Variants in DGKG observed in about 807,000 individuals in gnomAD.
DGKG encodes the protein diacylglycerol kinase gamma.
Under a neutral mutation model 105.3 loss-of-function variants are expected in DGKG, and 78 were observed. The observed-to-expected ratio is 0.74, with a 90% CI of 0.62 to 0.89. The LOEUF (loss-of-function observed/expected upper bound fraction) is 0.89. Ranked by LOEUF, DGKG falls within the 40% of genes least tolerant of loss-of-function variation. The probability of loss-of-function intolerance (pLI) is 0.00; values close to 1 mark genes in which losing one functional copy is unlikely to be tolerated. For synonymous variants in DGKG, 346 were observed against 367.1 expected (o/e 0.94, Z 0.66); for missense variants, 958 against 1,020.1 (o/e 0.94, Z 0.83).
At chr3:186,258,174 A>G (rs1721576508) in intron 16 of DGKG, among the ~76,000 whole-genome samples, 1 of 152,228 alleles carries the variant, frequency 6.6e-6, no homozygotes, top group African/African-American at 2.4e-5. Flanking sequence ...TCAACATTCG[A>G]CACAAATGGA....
At chr3:186,355,354 ACTC>A (rs1726886303) in intron 1 of DGKG, among the ~76,000 whole-genome samples, 1 of 87,110 alleles carries the variant, frequency 1.1e-5, no homozygotes, top group South Asian at 4.7e-4. Context: ...CAACAACACT[ACTC>A]CTACCACCAT....
At chr3:186,207,530 T>C (rs140737219) in intron 21 of DGKG, 6 of 984,152 alleles carry the variant, frequency 6.1e-6, no homozygotes, top group South Asian at 4.7e-5. Context: ...GCCAGTTACA[T>C]AAAAAAACAA....
rs537752668 is a variant in DGKG at position 186,231,166 on chromosome 3, TTC to T, written c.1826+11336_1826+11337del. On this transcript the variant is annotated intron_variant, in intron 20 of 24. Coordinates refer to ENST00000265022, the MANE Select transcript of DGKG (RefSeq NM_001346.3). The surrounding 1 kb of genome is among the most constrained non-coding windows in gnomAD (Gnocchi z 4.5). ...ACACTTGAGGCCCATTCCCAGTACG[TTC>T]TCTGTTTCTCTCCAGGAAAAGTGAT... 2.2e-4 allele frequency among the ~76,000 whole-genome samples: 34 copies of T among 152,324 alleles called. No homozygotes were observed. Among genetic ancestry groups the T allele is most frequent in the Admixed American group, 1.1e-3 (17 of 15,296 alleles).
chr3:186,357,219 C>G (rs1727010554), intron 1 of DGKG, among the ~76,000 whole-genome samples: 1 of 152,128 alleles, frequency 6.6e-6, no homozygotes, highest in Admixed American at 6.5e-5. Flanking sequence ...CATCCAGGGA[C>G]AGGTTCTCTT....
chr3:186,234,413 C>G (rs569313331), intron 20 of DGKG, among the ~76,000 whole-genome samples: 1 of 152,184 alleles, frequency 6.6e-6, no homozygotes, highest in Non-Finnish European at 1.5e-5. Flanking sequence ...ATAAGGTTAT[C>G]GTGCTAACCT....
intron 15 of DGKG, 105 bp from the exon 16 acceptor site, chr3:186,260,618 G>T: frequency 1.2e-6 from 1 of 865,990 alleles, no homozygotes. Context: ...ACTGGTGGCA[G>T]GGATGAGGGT....
chr3:186,149,200 C>T lies in DGKG; in HGVS notation c.*890G>A, dbSNP rs1467443973. On this transcript the variant is annotated 3_prime_UTR_variant, in exon 25 of 25. Transcript: ENST00000265022. ...CAGGGCTTGGAACTCAAACAGGAAA[C>T]ACGCTTTGGCTTGAAAAAGAAAGAA... The T allele has an allele frequency of 1.0e-6, 1 of 984,626 alleles. No homozygotes were observed. The highest frequency in any genetic ancestry group is 1.8e-5 in the African/African-American group (1 of 57,070). 61.0% of individuals were successfully genotyped at this position (984,626 alleles called of 1,614,324 possible). A position where few individuals can be genotyped will look rare whatever the true frequency, so the allele number is the denominator to read the frequency against.
At chr3:186,314,549 G>T (rs1042191941) in intron 2 of DGKG, among the ~76,000 whole-genome samples, 1 of 152,124 alleles carries the variant, frequency 6.6e-6, no homozygotes, top group Non-Finnish European at 1.5e-5. Context: ...GAGGTCAGGA[G>T]TTCGAGACCA....
At chr3:186,326,375 G>A (rs934088053) in intron 1 of DGKG, among the ~76,000 whole-genome samples, 2 of 149,958 alleles carry the variant, frequency 1.3e-5, no homozygotes, top group African/African-American at 5.0e-5. Context: ...CTCCAGCCTG[G>A]GTGACAGAGT....
intron 21 of DGKG, among the ~76,000 whole-genome samples, chr3:186,190,016 C>T (rs918049310): frequency 1.3e-5 from 2 of 152,180 alleles, no homozygotes; most frequent in African/African-American, 4.8e-5. Context: ...ATTTTATACA[C>T]ATCTCATTTA....
At chr3:186,232,191 T>C (rs991398965) in intron 20 of DGKG, among the ~76,000 whole-genome samples, 2 of 152,236 alleles carry the variant, frequency 1.3e-5, no homozygotes, top group Non-Finnish European at 2.9e-5. Flanking sequence ...ACAAAAGCGT[T>C]GGGACTTTTT....
At chr3:186,158,557 G>A in intron 24 of DGKG, 1 of 954,172 alleles carries the variant, frequency 1.0e-6, no homozygotes, top group South Asian at 4.9e-5. Flanking sequence ...GGATTTTATG[G>A]AGCTTTTTGC....
intron 5 of DGKG, among the ~76,000 whole-genome samples, chr3:186,295,724 T>TGA (rs1723523695): frequency 6.9e-6 from 1 of 145,844 alleles, no homozygotes; most frequent in Non-Finnish European, 1.5e-5. Context: ...AGAAAGCCCA[T>TGA]GAGAGACCTT....
chr3:186,171,900 G>A (rs1289543757), intron 22 of DGKG, among the ~76,000 whole-genome samples: 1 of 151,550 alleles, frequency 6.6e-6, no homozygotes. Flanking sequence ...TTGTCTCCCA[G>A]GCTGGAGTGC....
intron 21 of DGKG, among the ~76,000 whole-genome samples, chr3:186,208,839 C>T (rs914879503): frequency 6.6e-6 from 1 of 152,184 alleles, no homozygotes; most frequent in Non-Finnish European, 1.5e-5. Context: ...GCTTCTAGCA[C>T]CTGTTAGGTA....
intron 24 of DGKG, among the ~76,000 whole-genome samples, chr3:186,150,768 A>G (rs76807639): frequency 2.8e-3 from 420 of 152,324 alleles, no homozygotes; most frequent in Non-Finnish European, 4.9e-3. Flanking sequence ...AATTCTTTTT[A>G]AAACTTTTTT....
At chr3:186,337,479 A>G (rs1239993737) in intron 1 of DGKG, among the ~76,000 whole-genome samples, 1 of 152,210 alleles carries the variant, frequency 6.6e-6, no homozygotes, top group Non-Finnish European at 1.5e-5. Flanking sequence ...TAACTTCATG[A>G]TGGCTATCCT....
At chr3:186,205,511 A>G (rs1168745036) in intron 21 of DGKG, among the ~76,000 whole-genome samples, 1 of 152,156 alleles carries the variant, frequency 6.6e-6, no homozygotes, top group African/African-American at 2.4e-5. Flanking sequence ...GGAGTTCAAT[A>G]CCAGCCTGGC....
chr3:186,313,190 A>G (rs941227703), intron 2 of DGKG, among the ~76,000 whole-genome samples: 2 of 152,234 alleles, frequency 1.3e-5, no homozygotes, highest in African/African-American at 4.8e-5. Flanking sequence ...AACTGTGATT[A>G]AATGATCTGG....
Sources: allele counts gnomAD v4.1 joint callset (sites outside exome capture counted in the v4.1 genomes callset), GRCh38; gene constraint gnomAD v4.1.1; non-coding constraint Gnocchi (gnomAD v3.1); transcripts MANE v1.5; gene names NCBI Gene and HGNC (gene_info 2026-07-23, HGNC 2026-07-21).